AGMO: variants seen among roughly 807,000 people sequenced by gnomAD.
AGMO encodes alkylglycerol monooxygenase, also known as glyceryl-ether monooxygenase.
Under a neutral mutation model 60.2 loss-of-function variants are expected in AGMO, and 75 were observed. The ratio of observed to expected loss-of-function variants is 1.25; its 90% CI spans 1.03 to 1.51. The LOEUF (loss-of-function observed/expected upper bound fraction) is 1.51, where lower values mean the gene tolerates loss of function less well. AGMO is among the 40% of genes most tolerant of loss of function. The pLI is 0.00. For synonymous variants in AGMO, 261 were observed against 177.1 expected, an observed-to-expected ratio of 1.47 and a Z score of -3.76; for missense variants, 763 against 525.5, an observed-to-expected ratio of 1.45 and a Z score of -4.42.
At chr7:15,452,588 T>A (rs1781884546) in intron 3 of AGMO, among the ~76,000 whole-genome samples, 1 of 152,176 alleles carries the variant, frequency 6.6e-6, no homozygotes, top group African/African-American at 2.4e-5. Flanking sequence ...CAATATTAAA[T>A]GTTAGTGAGG....
chr7:15,438,680 A>G (rs1404745234), intron 3 of AGMO, among the ~76,000 whole-genome samples: 2 of 152,134 alleles, frequency 1.3e-5, no homozygotes, highest in Non-Finnish European at 2.9e-5. Context: ...TTAGCAGAGG[A>G]CACTAAGGCC....
chr7:15,246,896 A>G (rs1782758718), intron 12 of AGMO, among the ~76,000 whole-genome samples: 1 of 152,064 alleles, frequency 6.6e-6, no homozygotes, highest in African/African-American at 2.4e-5. Flanking sequence ...CACACTAGAA[A>G]TCTATTTTCC....
chr7:15,210,100 T>C (rs965299372), intron 12 of AGMO, among the ~76,000 whole-genome samples: 16 of 152,266 alleles, frequency 1.1e-4, no homozygotes, highest in African/African-American at 3.8e-4. Flanking sequence ...GGGAAGGAGC[T>C]CAAATGATAC....
intron 10 of AGMO, among the ~76,000 whole-genome samples, chr7:15,383,752 C>T (rs1233265969): frequency 6.6e-6 from 1 of 152,032 alleles, no homozygotes; most frequent in Admixed American, 6.6e-5. Flanking sequence ...TTATTATTCT[C>T]TGTATTCACT....
chr7:15,191,602 G>T, the AGMO span, among the ~76,000 whole-genome samples: 2 of 152,132 alleles, frequency 1.3e-5, no homozygotes, highest in Non-Finnish European at 2.9e-5. Context: ...TAAGGGCAAC[G>T]AAGTAAGTCT....
At chr7:15,201,460 C>A in intron 12 of AGMO, 101 bp from the exon 13 acceptor site, 1 of 751,022 alleles carries the variant, frequency 1.3e-6, no homozygotes, top group Admixed American at 2.7e-5. Context: ...TGAACATGGA[C>A]ATTTTAGGGA....
Position 15,385,441 on chromosome 7 carries a change from C to T in AGMO, c.1074+5G>A, listed in dbSNP as rs1783870988. Reference sequence around the variant, plus strand: ...CTCACACTACTTAAAATGGATATTACTTACAGCTGTATCTGCAAAGGTCTC... The same window carrying T: ...CTCACACTACTTAAAATGGATATTATTTACAGCTGTATCTGCAAAGGTCTC... On this transcript the variant is annotated splice_donor_5th_base_variant and intron_variant, in intron 10 of 12. Coordinates refer to ENST00000342526, the MANE Select transcript of AGMO (RefSeq NM_001004320.2). 6.5e-7 allele frequency: 1 copy of T among 1,535,722 alleles called. No individual in the cohort carries two copies. Among genetic ancestry groups the T allele is most frequent in the Admixed American group, 1.7e-5 (1 of 58,960 alleles).
At chr7:15,383,962 G>C (rs1278767394) in intron 10 of AGMO, among the ~76,000 whole-genome samples, 11 of 151,742 alleles carry the variant, frequency 7.2e-5, no homozygotes, top group Admixed American at 7.2e-4. Flanking sequence ...TTGAGACTGA[G>C]TCTCGCTCTG....
In AGMO at chr7:15,329,436, G is replaced by A. The variant is rs530519814; in HGVS notation, c.1263+36078C>T. Reference sequence around the variant, plus strand: ...AAGATTAAGGTGCAAGCTCCCAGAGGACATGACAAGAAATTGTCTATCCTT... The same window carrying A: ...AAGATTAAGGTGCAAGCTCCCAGAGAACATGACAAGAAATTGTCTATCCTT... On this transcript the variant is annotated intron_variant, in intron 12 of 12. Coordinates refer to ENST00000342526, the MANE Select transcript of AGMO (RefSeq NM_001004320.2). Among the ~76,000 whole-genome samples the A allele has an allele frequency of 3.0e-4, 46 of 152,192 alleles. No homozygotes were observed. The South Asian group carries it at 9.1e-3, about 30-fold the overall frequency.
intron 3 of AGMO, among the ~76,000 whole-genome samples, chr7:15,510,538 C>A (rs944024281): frequency 1.6e-5 from 1 of 62,756 alleles, no homozygotes; most frequent in African/African-American, 5.1e-5. Context: ...ATATATATAT[C>A]TATATATATC....
intron 3 of AGMO, among the ~76,000 whole-genome samples, chr7:15,467,031 T>C (rs1782312130): frequency 6.6e-6 from 1 of 152,192 alleles, no homozygotes; most frequent in African/African-American, 2.4e-5. Flanking sequence ...GATTTTTAAG[T>C]ACTGTTGCAA....
chr7:15,362,116 A>G (rs550234201), intron 12 of AGMO, among the ~76,000 whole-genome samples: 1 of 152,300 alleles, frequency 6.6e-6, no homozygotes, highest in South Asian at 2.1e-4. Context: ...TTAGGTTTCT[A>G]TACTTATTGT....
the AGMO span, among the ~76,000 whole-genome samples, chr7:15,118,044 T>A: frequency 2.0e-5 from 3 of 151,932 alleles, no homozygotes; most frequent in African/African-American, 7.2e-5. Context: ...AATTTTCTTA[T>A]TGCAAACATA....
At chr7:15,215,318 A>G (rs1365151418) in intron 12 of AGMO, among the ~76,000 whole-genome samples, 2 of 152,110 alleles carry the variant, frequency 1.3e-5, no homozygotes, top group Non-Finnish European at 2.9e-5. Context: ...AATTTGATCA[A>G]AAGAAAGCAC....
intron 10 of AGMO, among the ~76,000 whole-genome samples, chr7:15,376,360 C>T (rs541625225): frequency 1.4e-5 from 2 of 147,248 alleles, no homozygotes; most frequent in Non-Finnish European, 3.0e-5. Context: ...CTGTAAGAGT[C>T]GACCAAAATA....
chr7:15,523,077 C>G (rs181901821), intron 3 of AGMO, among the ~76,000 whole-genome samples: 15 of 152,248 alleles, frequency 9.9e-5, no homozygotes, highest in Admixed American at 9.2e-4. Context: ...ATGCGGCCAA[C>G]AAACATATGA....
the AGMO span, among the ~76,000 whole-genome samples, chr7:15,140,248 G>A: frequency 2.6e-5 from 4 of 151,984 alleles, no homozygotes; most frequent in Admixed American, 1.3e-4. Context: ...TCTCTTAGGA[G>A]TCTGAAGGTA....
intron 12 of AGMO, among the ~76,000 whole-genome samples, chr7:15,204,812 G>C (rs1563033691): frequency 6.6e-6 from 1 of 152,106 alleles, no homozygotes; most frequent in South Asian, 2.1e-4. Context: ...TTTTAATGGG[G>C]ACTGGTGTTT....
intron 12 of AGMO, among the ~76,000 whole-genome samples, chr7:15,230,340 TA>T (rs201725248): frequency 2.9e-4 from 44 of 149,652 alleles, no homozygotes; most frequent in South Asian, 6.3e-4. Context: ...AAATTTAAGG[TA>T]AAAAAAAAAT....
Sources: allele counts gnomAD v4.1 joint callset (sites outside exome capture counted in the v4.1 genomes callset), GRCh38; gene constraint gnomAD v4.1.1; transcripts MANE v1.5; gene names NCBI Gene and HGNC (gene_info 2026-07-23, HGNC 2026-07-21).